The following XYLT1 variants were observed in gnomAD, a reference collection of about 807,000 sequenced individuals.
XYLT1 encodes xylosyltransferase 1, also known as beta-D-xylosyltransferase 1.
XYLT1 carries 36 observed loss-of-function variants against 91.3 expected under a neutral mutation model. That is an observed-to-expected ratio of 0.39 (90% CI 0.30 to 0.52). The LOEUF is 0.52. XYLT1 is among the 20% of genes least tolerant of loss of function. The pLI is 0.68. For synonymous variants in XYLT1, 588 were observed against 532.0 expected (o/e 1.11, Z -1.45); for missense variants, 1,242 against 1,284.5 (o/e 0.97, Z 0.51).
chr16:17,120,377 T>C (rs569820157), intron 10 of XYLT1, among the ~76,000 whole-genome samples: 1 of 152,190 alleles, frequency 6.6e-6, no homozygotes, highest in East Asian at 1.9e-4. Context: ...TTCTGTCATC[T>C]CTATCCCTCT....
chr16:17,160,248 T>C (rs868767912), intron 5 of XYLT1, among the ~76,000 whole-genome samples: 1 of 152,180 alleles, frequency 6.6e-6, no homozygotes, highest in Non-Finnish European at 1.5e-5. Context: ...AGGCCCATCA[T>C]GCATATATAC....
At chr16:17,300,441 T>A (rs2141810634) in intron 2 of XYLT1, among the ~76,000 whole-genome samples, 1 of 134,664 alleles carries the variant, frequency 7.4e-6, no homozygotes, top group East Asian at 2.2e-4. Context: ...TATTTCTTTC[T>A]TTCATTCTTT....
At chr16:17,404,497 C>T (rs1202367753) in intron 1 of XYLT1, among the ~76,000 whole-genome samples, 3 of 152,142 alleles carry the variant, frequency 2.0e-5, no homozygotes, top group African/African-American at 7.2e-5. Flanking sequence ...CATGATCATC[C>T]CCATTATACA....
chr16:17,462,683 T>C (rs936564122), intron 1 of XYLT1, among the ~76,000 whole-genome samples: 5 of 152,220 alleles, frequency 3.3e-5, no homozygotes, highest in Admixed American at 1.3e-4. Flanking sequence ...AGGAAGTCTG[T>C]TGTGGTTGAA....
In XYLT1 at chr16:17,105,454, C is replaced by T. The variant is rs3812958; in HGVS notation, c.*3241G>A. The T allele has an allele frequency of 0.11, 16,528 of 152,168 alleles. 2,621 individuals carry two copies. The highest frequency in any genetic ancestry group is 0.35 in the African/African-American group (14,458 of 41,440). The allele number at this position is 152,168 out of a possible 1,614,324, so 9.4% of individuals were successfully genotyped here. A position where few individuals can be genotyped will look rare whatever the true frequency, so the allele number is the denominator to read the frequency against. ...TTTCCCCTGCAAAGGGAGAAAGCAG[C>T]GCGCTTCTCACAACACGGGGACCTT... is the stretch of plus-strand genomic sequence containing the variant. On this transcript the variant is annotated 3_prime_UTR_variant, in exon 12 of 12. Transcript: ENST00000261381.
At chr16:17,156,806 C>A (rs76293163) in intron 6 of XYLT1, among the ~76,000 whole-genome samples, 30 of 152,216 alleles carry the variant, frequency 2.0e-4, no homozygotes, top group Admixed American at 1.4e-3. Context: ...TCTTCAAGTT[C>A]GGGTGTTGCA....
chr16:17,200,972 T>G lies in XYLT1; in HGVS notation c.914-318A>C, dbSNP rs189147708. ...AGGTGAGAGCTATAAGAGATGTATC[T>G]CTGAATGACAGAGGAAGAAGCAGTT... On this transcript the variant is annotated intron_variant, in intron 3 of 11. Coordinates refer to ENST00000261381, the MANE Select transcript of XYLT1 (RefSeq NM_022166.4). 1.0e-3 allele frequency among the ~76,000 whole-genome samples: 153 copies of G among 152,330 alleles called. 1 individual carries two copies. The highest frequency in any genetic ancestry group is 1.0e-2 in the South Asian group (48 of 4,822).
In XYLT1 at chr16:17,229,683, T is replaced by C. The variant is rs774242816; in HGVS notation, c.914-29029A>G. On this transcript the variant is annotated intron_variant, in intron 3 of 11. Transcript: ENST00000261381. Reference sequence around the variant, plus strand: ...CATTCCAAGTTGCTCAGTCTTCTGGTTTTCCAGAAGACTCCAGAAATACTT... The same window carrying C: ...CATTCCAAGTTGCTCAGTCTTCTGGCTTTCCAGAAGACTCCAGAAATACTT... Among the ~76,000 whole-genome samples, 4 of 152,168 alleles carry C rather than the reference T, an allele frequency of 2.6e-5. 1 individual carries two copies. The highest frequency in any genetic ancestry group is 4.1e-4 in the South Asian group (2 of 4,830).
chr16:17,454,791 C>T lies in XYLT1; in HGVS notation c.363+15643G>A, dbSNP rs553417836. Among the ~76,000 whole-genome samples the T allele has an allele frequency of 4.6e-5, 7 of 152,048 alleles. No homozygotes were observed. In the East Asian group the frequency reaches 5.8e-4, roughly 13 times the overall value. ...CTGGCCCCAAGTGACCCACCCACCT[C>T]GGCCCCACAAAGTGCTGGGATTACA... On this transcript the variant is annotated intron_variant, in intron 1 of 11. Transcript: ENST00000261381.
intron 5 of XYLT1, among the ~76,000 whole-genome samples, chr16:17,173,049 A>G (rs1261116775): frequency 4.6e-5 from 7 of 151,194 alleles, no homozygotes; most frequent in Non-Finnish European, 8.9e-5. Flanking sequence ...AAACAAACAA[A>G]CAAACAAAAA....
chr16:17,401,809 T>G (rs1382356504), intron 1 of XYLT1, among the ~76,000 whole-genome samples: 5 of 151,802 alleles, frequency 3.3e-5, no homozygotes, highest in Non-Finnish European at 2.9e-5. Context: ...GCTTAAAAAA[T>G]TATTACAGAA....
chr16:17,122,029 T>TA (rs2030078345), intron 10 of XYLT1, among the ~76,000 whole-genome samples: 2 of 151,990 alleles, frequency 1.3e-5, no homozygotes, highest in Non-Finnish European at 2.9e-5. Flanking sequence ...GCTGCTTCCA[T>TA]TTTTTTTGCA....
At chr16:17,288,607 C>A (rs549946532) in intron 2 of XYLT1, among the ~76,000 whole-genome samples, 8 of 152,278 alleles carry the variant, frequency 5.3e-5, no homozygotes, top group East Asian at 1.9e-4. Context: ...GCAGGTCATG[C>A]GACCTGCTTT....
At chr16:17,206,728 C>G (rs987470193) in intron 3 of XYLT1, among the ~76,000 whole-genome samples, 18 of 151,952 alleles carry the variant, frequency 1.2e-4, no homozygotes, top group African/African-American at 4.4e-4. Context: ...AGAGTGAGAC[C>G]CTGTCTCTAA....
At chr16:17,246,672 T>G (rs909198346) in intron 3 of XYLT1, among the ~76,000 whole-genome samples, 2 of 152,150 alleles carry the variant, frequency 1.3e-5, no homozygotes, top group Non-Finnish European at 2.9e-5. Context: ...AGATCACACA[T>G]GCAAAGTGCT....
intron 1 of XYLT1, among the ~76,000 whole-genome samples, chr16:17,422,007 G>A (rs1004341796): frequency 1.3e-5 from 2 of 151,896 alleles, no homozygotes; most frequent in African/African-American, 4.8e-5. Flanking sequence ...TTTTGAGACG[G>A]AGTCTTGCTT....
intron 1 of XYLT1, among the ~76,000 whole-genome samples, chr16:17,431,390 G>C (rs933856513): frequency 1.3e-5 from 2 of 152,180 alleles, no homozygotes; most frequent in African/African-American, 4.8e-5. Flanking sequence ...CCCAGGGGAT[G>C]CTGAGGCTGC....
chr16:17,291,436 G>C (rs945827568), intron 2 of XYLT1, among the ~76,000 whole-genome samples: 1 of 152,212 alleles, frequency 6.6e-6, no homozygotes, highest in African/African-American at 2.4e-5. Context: ...CCTGCCCACT[G>C]TTACCCACCT....
Position 17,117,996 on chromosome 16 carries a change from A to AAC in XYLT1, c.2224-18_2224-17insGT. ...AGTGCCGACCTGAAACAGGGGAGTG[A>AAC]ATTCTGAAGTCACTGGGCCTGAACT... On this transcript the variant is annotated splice_polypyrimidine_tract_variant and intron_variant, in intron 10 of 11. Transcript: ENST00000261381. 6.3e-7 allele frequency: 1 copy of AAC among 1,597,760 alleles called. No individual in the cohort carries two copies. Among genetic ancestry groups the AAC allele is most frequent in the East Asian group, 2.2e-5 (1 of 44,558 alleles).
Sources: allele counts gnomAD v4.1 joint callset (sites outside exome capture counted in the v4.1 genomes callset), GRCh38; gene constraint gnomAD v4.1.1; transcripts MANE v1.5; gene names NCBI Gene and HGNC (gene_info 2026-07-23, HGNC 2026-07-21).